Variants in CFAP65 observed in about 807,000 individuals in gnomAD.
CFAP65 encodes cilia and flagella associated protein 65.
CFAP65 carries 155 observed loss-of-function variants against 208.0 expected under a neutral mutation model. The observed-to-expected ratio is 0.75, with a 90% CI of 0.65 to 0.85. The LOEUF is 0.85. Among genes scored for constraint, CFAP65 ranks in the 40% least tolerant of loss-of-function variants. The probability of loss-of-function intolerance (pLI) is 0.00; values close to 1 mark genes in which losing one functional copy is unlikely to be tolerated. For synonymous variants in CFAP65, 970 were observed against 986.3 expected, an observed-to-expected ratio of 0.98 and a Z score of 0.31; for missense variants, 2,294 against 2,451.3, an observed-to-expected ratio of 0.94 and a Z score of 1.36.
chr2:219,040,373 G>A (rs977494823), intron 2 of CFAP65, 146 bp downstream of exon 2: 18 of 623,742 alleles, frequency 2.9e-5, no homozygotes, highest in Non-Finnish European at 5.1e-5. Flanking sequence ...GGAAGATTCT[G>A]TTGACCCTGG....
rs1205881368 is a variant in CFAP65 at position 219,021,787 on chromosome 2, G to A, written c.3123C>T (p.His1041=). The change falls in exon 18 of 35, where the codon CAC becomes CAT. Residue 1041 remains histidine (H), a synonymous_variant. Coordinates refer to ENST00000341552, the MANE Select transcript of CFAP65 (RefSeq NM_194302.4). ...EQGSPEAVDN[H]PLALQLDRTE... The stretch of plus-strand genomic sequence containing the variant: ...CAGCTCAGGCCCAAGTACCGAGGGG[G>A]TGGTTGTCAACGGCCTCAGGGCTGC... 6.2e-7 allele frequency: 1 copy of A among 1,613,414 alleles called. No homozygotes were observed. Among genetic ancestry groups the A allele is most frequent in the Admixed American group, 1.7e-5 (1 of 59,998 alleles).
At chr2:219,018,162 C>G (rs1947028271) in intron 21 of CFAP65, 1 of 152,306 alleles carries the variant, frequency 6.6e-6, no homozygotes. Flanking sequence ...CTCCCCCACT[C>G]ACTGCCATGC....
At chr2:219,023,464 C>A in intron 15 of CFAP65, 33 bp from the exon 16 acceptor site, 1 of 1,453,108 alleles carries the variant, frequency 6.9e-7, no homozygotes, top group Non-Finnish European at 9.4e-7. Context: ...AGTGCCCTGA[C>A]CTCACTCTGC....
chr2:219,027,300 TG>T (rs1947694098), intron 13 of CFAP65: 13 of 1,428,344 alleles, frequency 9.1e-6, no homozygotes, highest in Non-Finnish European at 1.1e-5. Flanking sequence ...TCCTTTAGAG[TG>T]ACCACTTCTT....
At position 219,024,024 on chromosome 2, in the gene CFAP65, C is replaced by T. The variant is rs898428361; in HGVS notation, c.2586G>A (p.Gln862=). 2 of 1,613,332 alleles carry T rather than the reference C, an allele frequency of 1.2e-6. No homozygotes were observed. The highest frequency in any genetic ancestry group is 1.3e-5 in the African/African-American group (1 of 74,936). ...TCCCTCTGCCTCCTACCTTGAGATA[C>T]TGGGGGGAAGCATTGCACTGCAGAT... ...TFYLQCNASP[Q]YLKEVSMYSR... Residue 862 remains glutamine (Q), a synonymous_variant, in exon 15 of 35, where the codon CAG becomes CAA. Transcript: ENST00000341552.
In CFAP65 at chr2:219,040,575, A is replaced by C; in HGVS notation, c.-48-11T>G. On this transcript the variant is annotated splice_polypyrimidine_tract_variant and intron_variant, in intron 1 of 34. Transcript: ENST00000341552. ...TCAAAGAAATGTAAGCTGAGGAGAC[A>C]CAGAGAGAGTCCATTACTTTTCTGC... is the stretch of plus-strand genomic sequence containing the variant. 1 of 1,551,978 alleles carries C rather than the reference A, an allele frequency of 6.4e-7. No homozygotes were observed. The highest frequency in any genetic ancestry group is 8.7e-7 in the Non-Finnish European group (1 of 1,146,884).
chr2:219,026,238 C>A, intron 13 of CFAP65, 79 bp from the exon 14 acceptor site: 2 of 1,483,332 alleles, frequency 1.3e-6, no homozygotes, highest in South Asian at 2.5e-5. Flanking sequence ...CCCCTCCTTG[C>A]CCTTGTGCTG....
Position 219,031,810 on chromosome 2 carries a change from T to C in CFAP65, c.646-152A>G, listed in dbSNP as rs1445650056. ...GACTCTGAGGGGAGCTGGGCACCTA[T>C]GTTGTCTTGGTCTCAAACATTAGAG... On this transcript the variant is annotated intron_variant, in intron 6 of 34. Transcript: ENST00000341552. This position sits in a 1 kb window ranked among gnomAD's most constrained non-coding sequence, Gnocchi z 5.2. The C allele has an allele frequency of 2.4e-5, 21 of 857,410 alleles. No individual in the cohort carries two copies. In the South Asian group the frequency reaches 3.6e-4, roughly 15 times the overall value. The allele number at this position is 857,410 out of a possible 1,614,324, so 53.1% of individuals were successfully genotyped here.
intron 4 of CFAP65, among the ~76,000 whole-genome samples, chr2:219,036,863 G>A (rs1309978883): frequency 3.3e-5 from 5 of 152,178 alleles, no homozygotes; most frequent in Non-Finnish European, 7.4e-5. Context: ...ACTGTGCTAG[G>A]TGCTGGGACT....
Position 219,040,874 on chromosome 2 carries a change from C to T in CFAP65, c.-48-310G>A, listed in dbSNP as rs1470639506. The stretch of plus-strand genomic sequence containing the variant: ...AGGCAAATTTCTCCATCTCCCGGAG[C>T]CTCAGCCTCCTCGCCTGTAAAATGT... On this transcript the variant is annotated intron_variant, in intron 1 of 34. Coordinates refer to ENST00000341552, the MANE Select transcript of CFAP65 (RefSeq NM_194302.4). Among the ~76,000 whole-genome samples, 2 of 152,216 alleles carry T rather than the reference C, an allele frequency of 1.3e-5. 1 individual carries two copies. The highest frequency in any genetic ancestry group is 3.8e-4 in the East Asian group (2 of 5,200).
rs1009732657 is a variant in CFAP65 at position 219,006,151 on chromosome 2, C to T, written c.4792G>A (p.Glu1598Lys). The stretch of plus-strand genomic sequence containing the variant: ...GGCTGGGGGCAGGGCCAGGACACCT[C>T]CTCCTTTGGGGTCTGCAGTTTCCAG... ...ASWKLQTPKE[E>K]VSWPCPQPPS... is the part of the protein sequence containing the mutation. The change falls in exon 31 of 35, where the codon GAG (glutamate) becomes AAG (lysine). Residue 1598 changes from glutamate (E) to lysine (K), a missense_variant. Transcript: ENST00000341552. 19 of 1,613,580 alleles carry T rather than the reference C, an allele frequency of 1.2e-5. No individual in the cohort carries two copies. Among genetic ancestry groups the T allele is most frequent in the African/African-American group, 1.3e-5 (1 of 74,926 alleles).
Position 219,032,067 on chromosome 2 carries a change from G to C in CFAP65, c.645+403C>G, listed in dbSNP as rs1024164314. Reference sequence around the variant, plus strand: ...CCCAAGTAGCTGGGACTACAGGCATGTGCCACCATGCCTGGTTAACTTTTG... The same window carrying C: ...CCCAAGTAGCTGGGACTACAGGCATCTGCCACCATGCCTGGTTAACTTTTG... On this transcript the variant is annotated intron_variant, in intron 6 of 34. Transcript: ENST00000341552. This position sits in a 1 kb window ranked among gnomAD's most constrained non-coding sequence, Gnocchi z 5.5. Among the ~76,000 whole-genome samples the C allele has an allele frequency of 6.6e-6, 1 of 151,890 alleles. No individual in the cohort carries two copies. The highest frequency in any genetic ancestry group is 1.5e-5 in the Non-Finnish European group (1 of 67,968).
rs920070307 is a variant in CFAP65 at position 219,013,316 on chromosome 2, G to A, written c.3900C>T (p.Thr1300=). ...VKPEQKYVHF[T]STTHQFIPIP... ...TGGGGATGAACTGGTGGGTAGTAGAGGTGAAGTGCACATACTTCTGCTCCG... is the reference window on the plus strand; with the variant it reads ...TGGGGATGAACTGGTGGGTAGTAGAAGTGAAGTGCACATACTTCTGCTCCG... Residue 1300 remains threonine, a synonymous_variant, in exon 24 of 35, where the codon ACC becomes ACT. Coordinates refer to ENST00000341552, the MANE Select transcript of CFAP65 (RefSeq NM_194302.4). 2 of 1,614,102 alleles carry A rather than the reference G, an allele frequency of 1.2e-6. No homozygotes were observed. Among genetic ancestry groups the A allele is most frequent in the Non-Finnish European group, 1.7e-6 (2 of 1,179,982 alleles).
chr2:219,012,591 G>C (rs1946561151), intron 24 of CFAP65, among the ~76,000 whole-genome samples: 1 of 152,224 alleles, frequency 6.6e-6, no homozygotes, highest in African/African-American at 2.4e-5. Flanking sequence ...TGAAATGTTT[G>C]GGAAAATATT....
Position 219,003,079 on chromosome 2 carries a change from T to C in CFAP65, c.5693+56A>G. 4 of 1,548,496 alleles carry C rather than the reference T, an allele frequency of 2.6e-6. No homozygotes were observed. The highest frequency in any genetic ancestry group is 3.5e-6 in the Non-Finnish European group (4 of 1,145,218). Reference sequence around the variant, plus strand: ...GGCGAGGCTTCGGGCAGAGCCTGGCTGCCCCCGTGGCCCCTCTCGCGCGGT... The same window carrying C: ...GGCGAGGCTTCGGGCAGAGCCTGGCCGCCCCCGTGGCCCCTCTCGCGCGGT... On this transcript the variant is annotated intron_variant, in intron 34 of 34. Coordinates refer to ENST00000341552, the MANE Select transcript of CFAP65 (RefSeq NM_194302.4). The surrounding 1 kb of genome is among the most constrained non-coding windows in gnomAD (Gnocchi z 4.4).
In CFAP65 at chr2:219,003,872, C is replaced by CA; in HGVS notation, c.5555+79dup. On this transcript the variant is annotated intron_variant, in intron 33 of 34. Transcript: ENST00000341552. The surrounding 1 kb of genome is among the most constrained non-coding windows in gnomAD (Gnocchi z 4.4). The stretch of plus-strand genomic sequence containing the variant: ...ATGAGATGTGCATACAGGCAGCAGC[C>CA]ATCCTTGGCATCCCACTGCCTCCTA... 1 of 1,508,090 alleles carries CA rather than the reference C, an allele frequency of 6.6e-7. No individual in the cohort carries two copies. The highest frequency in any genetic ancestry group is 9.0e-7 in the Non-Finnish European group (1 of 1,110,734). The allele number at this position is 1,508,090 out of a possible 1,614,324, so 93.4% of individuals were successfully genotyped here. A position where few individuals can be genotyped will look rare whatever the true frequency, so the allele number is the denominator to read the frequency against.
intron 24 of CFAP65, 130 bp downstream of exon 24, chr2:219,013,129 C>A: frequency 1.4e-6 from 1 of 694,772 alleles, no homozygotes. Context: ...TCTGGGGGTT[C>A]AACCTGCTGG....
chr2:219,041,256 T>G (rs900297622), intron 1 of CFAP65, among the ~76,000 whole-genome samples: 1 of 152,172 alleles, frequency 6.6e-6, no homozygotes, highest in Non-Finnish European at 1.5e-5. Flanking sequence ...AAGAAATAGA[T>G]GAAACAAAGG....
chr2:219,007,171 T>TG (rs574813185), intron 29 of CFAP65, among the ~76,000 whole-genome samples: 2 of 144,364 alleles, frequency 1.4e-5, no homozygotes, highest in Non-Finnish European at 2.9e-5. Flanking sequence ...TTTGTTTGTT[T>TG]TTTTTTCTTT....
Sources: gnomAD v4.1 joint callset for allele counts (sites outside exome capture counted in the v4.1 genomes callset) on GRCh38, gnomAD v4.1.1 for gene constraint, Gnocchi (gnomAD v3.1) non-coding constraint, MANE v1.5 for transcripts, NCBI Gene and HGNC (gene_info 2026-07-23, HGNC 2026-07-21) for gene names.